The following WDR70 variants were observed in gnomAD, a reference collection of about 807,000 sequenced individuals.
WDR70 encodes WD repeat domain 70.
Under a neutral mutation model 88.6 loss-of-function variants are expected in WDR70, and 53 were observed. The ratio of observed to expected loss-of-function variants is 0.60; its 90% CI spans 0.48 to 0.75. WDR70 has a LOEUF of 0.75. Among genes scored for constraint, WDR70 ranks in the 30% least tolerant of loss-of-function variants. The pLI, the probability that WDR70 is intolerant of heterozygous loss-of-function variation, is 0.00. For synonymous variants in WDR70, 280 were observed against 270.0 expected, an observed-to-expected ratio of 1.04 and a Z score of -0.36; for missense variants, 610 against 823.2, an observed-to-expected ratio of 0.74 and a Z score of 3.17.
chr5:37,482,625 A>G (rs1739708071), intron 8 of WDR70, among the ~76,000 whole-genome samples: 1 of 152,178 alleles, frequency 6.6e-6, no homozygotes, highest in African/African-American at 2.4e-5. Context: ...TCCAAACTAT[A>G]TCAGTAGGTT....
chr5:37,641,957 T>C (rs1303104735), intron 10 of WDR70, among the ~76,000 whole-genome samples: 3 of 152,240 alleles, frequency 2.0e-5, no homozygotes, highest in Non-Finnish European at 4.4e-5. Context: ...TAAATGTTAC[T>C]TTAAAAGTTT....
At chr5:37,441,931 ACT>A (rs569785773) in intron 6 of WDR70, among the ~76,000 whole-genome samples, 2 of 152,028 alleles carry the variant, frequency 1.3e-5, no homozygotes, top group African/African-American at 2.4e-5. Context: ...AGATCTAGGG[ACT>A]CTCTGCTTTG....
chr5:37,697,330 C>G (rs1250027833), intron 10 of WDR70, among the ~76,000 whole-genome samples: 1 of 151,790 alleles, frequency 6.6e-6, no homozygotes, highest in Non-Finnish European at 1.5e-5. Context: ...GGAAATTGTC[C>G]CAATAACTTT....
At chr5:37,478,196 A>G (rs1739544899) in intron 7 of WDR70, among the ~76,000 whole-genome samples, 1 of 152,172 alleles carries the variant, frequency 6.6e-6, no homozygotes, top group African/African-American at 2.4e-5. Context: ...TCTCCGTTGC[A>G]TCGACTGCTC....
intron 10 of WDR70, among the ~76,000 whole-genome samples, chr5:37,633,682 T>C (rs1162769923): frequency 1.3e-5 from 2 of 152,128 alleles, no homozygotes; most frequent in Non-Finnish European, 2.9e-5. Flanking sequence ...GAGGAAAATA[T>C]ATTTTAGACA....
At chr5:37,494,137 G>A in intron 8 of WDR70, among the ~76,000 whole-genome samples, 1 of 152,164 alleles carries the variant, frequency 6.6e-6, no homozygotes, top group East Asian at 1.9e-4. Context: ...TTTGCACTGG[G>A]AATGGAAGGG....
chr5:37,400,825 G>A (rs1385676041), intron 5 of WDR70, among the ~76,000 whole-genome samples: 1 of 152,130 alleles, frequency 6.6e-6, no homozygotes, highest in East Asian at 1.9e-4. Context: ...TTGCTATAGC[G>A]AAGGCCCAAA....
intron 9 of WDR70, among the ~76,000 whole-genome samples, chr5:37,537,717 G>T (rs1741705589): frequency 2.6e-5 from 4 of 152,176 alleles, no homozygotes; most frequent in African/African-American, 9.6e-5. Flanking sequence ...TAATACTTCT[G>T]ATTATACTTC....
At chr5:37,631,836 G>T (rs1297214563) in intron 10 of WDR70, among the ~76,000 whole-genome samples, 1 of 152,198 alleles carries the variant, frequency 6.6e-6, no homozygotes, top group Non-Finnish European at 1.5e-5. Context: ...GAAATTGTCT[G>T]TTGGAGGATC....
intron 9 of WDR70, among the ~76,000 whole-genome samples, chr5:37,589,111 T>C (rs941254048): frequency 5.9e-5 from 9 of 152,176 alleles, no homozygotes; most frequent in South Asian, 2.1e-4. Context: ...CAGGCTGGTC[T>C]AGAACTCCTG....
intron 10 of WDR70, among the ~76,000 whole-genome samples, chr5:37,675,591 A>C (rs1275307445): frequency 6.6e-6 from 1 of 152,000 alleles, no homozygotes; most frequent in Non-Finnish European, 1.5e-5. Context: ...CCATTGATCT[A>C]TATCTCTGTT....
chr5:37,720,459 C>T (rs1197927084), intron 13 of WDR70, among the ~76,000 whole-genome samples: 1 of 152,138 alleles, frequency 6.6e-6, no homozygotes, highest in East Asian at 1.9e-4. Flanking sequence ...CCCAGAGCAC[C>T]ACTTATTTTC....
At chr5:37,383,049 CAA>C (rs1232826150) in intron 3 of WDR70, among the ~76,000 whole-genome samples, 3 of 151,496 alleles carry the variant, frequency 2.0e-5, no homozygotes, top group Admixed American at 2.0e-4. Flanking sequence ...AAATGGGCGA[CAA>C]GAGCAAAACT....
At chr5:37,715,555 T>G (rs1302220446) in intron 13 of WDR70, among the ~76,000 whole-genome samples, 1 of 152,190 alleles carries the variant, frequency 6.6e-6, no homozygotes, top group African/African-American at 2.4e-5. Context: ...TGGGGCTTAC[T>G]CACCATGTTT....
chr5:37,610,620 G>C (rs1744165977), intron 10 of WDR70, among the ~76,000 whole-genome samples: 1 of 151,934 alleles, frequency 6.6e-6, no homozygotes, highest in Non-Finnish European at 1.5e-5. Flanking sequence ...TATTTTTGAG[G>C]AGCTCTCACC....
At chr5:37,528,051 C>T (rs901099414) in intron 9 of WDR70, among the ~76,000 whole-genome samples, 1 of 152,178 alleles carries the variant, frequency 6.6e-6, no homozygotes, top group Admixed American at 6.6e-5. Context: ...CTAGGTCAAC[C>T]ATTTTGGAAA....
chr5:37,503,418 C>G (rs1393744929), intron 8 of WDR70, among the ~76,000 whole-genome samples: 3 of 152,032 alleles, frequency 2.0e-5, no homozygotes, highest in African/African-American at 7.2e-5. Context: ...TTCCCTTCTC[C>G]CACCCTCCAC....
At chr5:37,676,644 T>C (rs1746228333) in intron 10 of WDR70, among the ~76,000 whole-genome samples, 1 of 152,128 alleles carries the variant, frequency 6.6e-6, no homozygotes, top group Non-Finnish European at 1.5e-5. Context: ...GCCAGTATTT[T>C]ATTGAGGATT....
intron 10 of WDR70, among the ~76,000 whole-genome samples, chr5:37,619,029 G>C (rs1489790881): frequency 2.6e-5 from 4 of 152,114 alleles, no homozygotes; most frequent in Non-Finnish European, 5.9e-5. Context: ...TTTTAAAAAA[G>C]AGTCAGGCAA....
Sources: gnomAD v4.1 joint callset for allele counts (sites outside exome capture counted in the v4.1 genomes callset) on GRCh38, gnomAD v4.1.1 for gene constraint, MANE v1.5 for transcripts, NCBI Gene and HGNC (gene_info 2026-07-23, HGNC 2026-07-21) for gene names.